Variants in FAM227B observed in about 807,000 individuals in gnomAD.
FAM227B encodes family with sequence similarity 227 member B, also known as protein FAM227B.
Under a neutral mutation model 73.8 loss-of-function variants are expected in FAM227B, and 88 were observed. The observed-to-expected ratio is 1.19, with a 90% CI of 1.00 to 1.42. FAM227B has a LOEUF of 1.42. Among genes scored for constraint, FAM227B ranks in the 40% most tolerant of loss-of-function variants. The probability of loss-of-function intolerance (pLI) is 0.00; values close to 1 mark genes in which losing one functional copy is unlikely to be tolerated. For missense variants in FAM227B, 632 were observed against 590.9 expected (o/e 1.07, Z -0.72); for synonymous variants, 210 against 190.5 (o/e 1.10, Z -0.84).
chr15:49,410,683 A>T (rs1340710364), intron 11 of FAM227B, among the ~76,000 whole-genome samples: 1 of 152,162 alleles, frequency 6.6e-6, no homozygotes, highest in Non-Finnish European at 1.5e-5. Context: ...ATCTTAAAAA[A>T]AAGGCTGCCA....
chr15:49,528,821 A>T (rs1390573795), intron 10 of FAM227B, among the ~76,000 whole-genome samples: 1 of 151,930 alleles, frequency 6.6e-6, no homozygotes, highest in Non-Finnish European at 1.5e-5. Flanking sequence ...AAAAGTCAAA[A>T]ATAACAGATA....
At chr15:49,485,178 G>C (rs1014798713) in intron 11 of FAM227B, 15 of 152,246 alleles carry the variant, frequency 9.9e-5, no homozygotes, top group Non-Finnish European at 2.2e-4. Flanking sequence ...ATTGCTAAAA[G>C]GATGTTTCCA....
At chr15:49,329,062 G>A (rs767049086) in intron 15 of FAM227B, 3 of 996,886 alleles carry the variant, frequency 3.0e-6, no homozygotes, top group Non-Finnish European at 3.6e-6. Context: ...TAATCCAAGA[G>A]GCACTTCCAA....
chr15:49,403,268 A>C (rs907802519), intron 11 of FAM227B, among the ~76,000 whole-genome samples: 7 of 152,292 alleles, frequency 4.6e-5, no homozygotes, highest in Admixed American at 4.6e-4. Context: ...TATCAGGATG[A>C]TGCTGGCCTC....
At chr15:49,409,258 GA>G (rs1279100665) in intron 11 of FAM227B, among the ~76,000 whole-genome samples, 1 of 151,998 alleles carries the variant, frequency 6.6e-6, no homozygotes, top group Non-Finnish European at 1.5e-5. Context: ...CGGCACACTT[GA>G]AAAAGTGAAG....
intron 11 of FAM227B, among the ~76,000 whole-genome samples, chr15:49,456,764 A>T (rs1452608906): frequency 6.6e-6 from 1 of 152,092 alleles, no homozygotes; most frequent in Non-Finnish European, 1.5e-5. Flanking sequence ...TGAAAGATGA[A>T]CAGGGTATTG....
At chr15:49,441,665 A>G (rs940480622) in intron 11 of FAM227B, among the ~76,000 whole-genome samples, 1 of 151,830 alleles carries the variant, frequency 6.6e-6, no homozygotes, top group Middle Eastern at 3.4e-3. Flanking sequence ...ACATCATTTC[A>G]TATGTTCAGC....
chr15:49,527,466 C>T (rs2060288400), intron 10 of FAM227B, among the ~76,000 whole-genome samples: 1 of 151,902 alleles, frequency 6.6e-6, no homozygotes, highest in Admixed American at 6.6e-5. Context: ...TGTATGCATG[C>T]TCTTACCACT....
chr15:49,530,750 G>A (rs1018424291), intron 10 of FAM227B, among the ~76,000 whole-genome samples: 1 of 151,686 alleles, frequency 6.6e-6, no homozygotes, highest in Non-Finnish European at 1.5e-5. Context: ...TAAGATATAT[G>A]TTAGACAAAA....
chr15:49,503,815 T>A (rs1024805365), intron 11 of FAM227B, among the ~76,000 whole-genome samples: 28 of 152,186 alleles, frequency 1.8e-4, no homozygotes, highest in African/African-American at 6.3e-4. Context: ...GAAACACGTT[T>A]ACACTGTTGG....
At chr15:49,576,703 C>A in intron 7 of FAM227B, 38 bp downstream of exon 7, 1 of 1,172,396 alleles carries the variant, frequency 8.5e-7, no homozygotes, top group South Asian at 1.3e-5. Flanking sequence ...ATCATACTGT[C>A]AAAATGTATC....
At chr15:49,470,269 A>C (rs1378593147) in intron 11 of FAM227B, among the ~76,000 whole-genome samples, 1 of 63,098 alleles carries the variant, frequency 1.6e-5, no homozygotes. Context: ...CTGAGTACAT[A>C]TTAAATATTT....
At chr15:49,343,899 C>T (rs1359588511) in intron 13 of FAM227B, 2 of 152,144 alleles carry the variant, frequency 1.3e-5, no homozygotes, top group Non-Finnish European at 2.9e-5. Context: ...TACAGTTTTG[C>T]TGATATGAAT....
At chr15:49,422,739 G>T in intron 11 of FAM227B, 1 of 1,321,988 alleles carries the variant, frequency 7.6e-7, no homozygotes, top group South Asian at 1.3e-5. Context: ...CATAAAAATT[G>T]TACTTATATT....
chr15:49,469,564 T>C (rs183532299), intron 11 of FAM227B, among the ~76,000 whole-genome samples: 1,876 of 152,202 alleles, frequency 0.012, 14 homozygotes, highest in Non-Finnish European at 0.02. Flanking sequence ...CAGTGGCTTA[T>C]GAATTAAATT....
intron 10 of FAM227B, among the ~76,000 whole-genome samples, chr15:49,525,321 G>T (rs920425004): frequency 6.6e-6 from 1 of 151,946 alleles, no homozygotes; most frequent in South Asian, 2.1e-4. Context: ...TTCTCTCTTC[G>T]CCTGCTGCCA....
intron 10 of FAM227B, among the ~76,000 whole-genome samples, chr15:49,532,316 A>C (rs1320435768): frequency 1.3e-5 from 2 of 151,780 alleles, no homozygotes; most frequent in African/African-American, 2.4e-5. Flanking sequence ...ATGAGATATA[A>C]ATAAAGGTTT....
At chr15:49,529,036 AC>A (rs1375092557) in intron 10 of FAM227B, among the ~76,000 whole-genome samples, 2 of 151,910 alleles carry the variant, frequency 1.3e-5, no homozygotes, top group African/African-American at 4.8e-5. Context: ...TATGTTTATC[AC>A]AACACTATTC....
intron 3 of FAM227B, among the ~76,000 whole-genome samples, chr15:49,595,153 A>G (rs1378360887): frequency 6.6e-6 from 1 of 151,968 alleles, no homozygotes; most frequent in Non-Finnish European, 1.5e-5. Context: ...TTGGTTAGAC[A>G]TACTCCTAAG....
Sources: gnomAD v4.1 joint callset for allele counts (sites outside exome capture counted in the v4.1 genomes callset) on GRCh38, gnomAD v4.1.1 for gene constraint, MANE v1.5 for transcripts, NCBI Gene and HGNC (gene_info 2026-07-23, HGNC 2026-07-21) for gene names.